Variants in SLC25A33 observed in about 807,000 individuals in gnomAD.
The protein encoded by SLC25A33 is solute carrier family 25 member 33, also known as bone marrow stromal cell mitochondrial carrier protein.
Under a neutral mutation model 35.5 loss-of-function variants are expected in SLC25A33, and 15 were observed. The observed-to-expected ratio is 0.42, with a 90% CI of 0.28 to 0.65. The LOEUF (loss-of-function observed/expected upper bound fraction) is 0.65. SLC25A33 is among the 30% of genes least tolerant of loss of function. The probability of loss-of-function intolerance (pLI) is 0.20; values close to 1 mark genes in which losing one functional copy is unlikely to be tolerated. For synonymous variants in SLC25A33, 136 were observed against 148.7 expected, an observed-to-expected ratio of 0.91 and a Z score of 0.62; for missense variants, 257 against 398.5, an observed-to-expected ratio of 0.64 and a Z score of 3.02.
chr1:9,549,156 A>G (rs1294668120), intron 1 of SLC25A33, among the ~76,000 whole-genome samples: 1 of 152,048 alleles, frequency 6.6e-6, no homozygotes, highest in Non-Finnish European at 1.5e-5. Flanking sequence ...CTTGGGAAGG[A>G]CACTCAGTGA....
In SLC25A33 at chr1:9,582,180, C is replaced by G. The variant is rs1032855196; in HGVS notation, c.764-119C>G. On this transcript the variant is annotated intron_variant, in intron 6 of 6. Coordinates refer to ENST00000302692, the MANE Select transcript of SLC25A33 (RefSeq NM_032315.3). This position sits in a 1 kb window ranked among gnomAD's most constrained non-coding sequence, Gnocchi z 4.0. ...CCACCCGCCTCGGCCTCCCAAAGTT[C>G]TGGGATTACAGGTGTGAGCCACCGC... is the stretch of plus-strand genomic sequence containing the variant. 7.6e-6 allele frequency: 8 copies of G among 1,054,086 alleles called. No individual in the cohort carries two copies. In the Admixed American group the frequency reaches 1.5e-4, roughly 20 times the overall value. The allele number at this position is 1,054,086 out of a possible 1,614,324, so 65.3% of individuals were successfully genotyped here. A position where few individuals can be genotyped will look rare whatever the true frequency, so the allele number is the denominator to read the frequency against.
chr1:9,539,723 C>G lies in SLC25A33; in HGVS notation c.32C>G (p.Thr11Arg). 1 of 1,410,568 alleles carries G rather than the reference C, an allele frequency of 7.1e-7. No individual in the cohort carries two copies. The highest frequency in any genetic ancestry group is 9.2e-7 in the Non-Finnish European group (1 of 1,081,412). The allele number at this position is 1,410,568 out of a possible 1,614,324, so 87.4% of individuals were successfully genotyped here. ...ACGGGCGGCCAGCAGAAGGAGAACA[C>G]GCTGCTTCACCTCTTCGCCGGCGGG... Reference protein sequence around the residue: MATGGQQKENTLLHLFAGGCG... With the variant: MATGGQQKENRLLHLFAGGCG... Residue 11 changes from threonine to arginine, a missense_variant, in exon 1 of 7, where the codon ACG becomes AGG. Coordinates refer to ENST00000302692, the MANE Select transcript of SLC25A33 (RefSeq NM_032315.3).
intron 5 of SLC25A33, among the ~76,000 whole-genome samples, chr1:9,574,795 C>A (rs960018737): frequency 6.6e-6 from 1 of 152,152 alleles, no homozygotes; most frequent in African/African-American, 2.4e-5. Flanking sequence ...GGATTAGATA[C>A]CCCACTATGC....
At chr1:9,569,977 G>A (rs111890940) in intron 3 of SLC25A33, among the ~76,000 whole-genome samples, 3 of 152,162 alleles carry the variant, frequency 2.0e-5, no homozygotes, top group African/African-American at 4.8e-5. Context: ...TATCCAGAAC[G>A]AAGAATGTAA....
rs1643703585 is a variant in SLC25A33 at position 9,579,228 on chromosome 1, G to A, written c.483-726G>A. 2.0e-5 allele frequency among the ~76,000 whole-genome samples: 3 copies of A among 152,122 alleles called. No individual in the cohort carries two copies. The South Asian group carries it at 6.2e-4, about 31-fold the overall frequency. On this transcript the variant is annotated intron_variant, in intron 5 of 6. Coordinates refer to ENST00000302692, the MANE Select transcript of SLC25A33 (RefSeq NM_032315.3). Reference sequence around the variant, plus strand: ...TTTTCCCCACACACACCAAACAGCGGACACCAGCTGGGTGTCCTCTCATTC... The same window carrying A: ...TTTTCCCCACACACACCAAACAGCGAACACCAGCTGGGTGTCCTCTCATTC...
At chr1:9,560,419 C>T (rs1643405542) in intron 2 of SLC25A33, among the ~76,000 whole-genome samples, 1 of 151,720 alleles carries the variant, frequency 6.6e-6, no homozygotes, top group Non-Finnish European at 1.5e-5. Context: ...AAAAAATTAG[C>T]CAGGTGTGGC....
In SLC25A33 at chr1:9,570,313, G is replaced by A. The variant is rs139242276; in HGVS notation, c.370G>A (p.Val124Met). Residue 124 changes from valine to methionine, a missense_variant, in exon 4 of 7, where the codon GTG becomes ATG. Coordinates refer to ENST00000302692, the MANE Select transcript of SLC25A33 (RefSeq NM_032315.3). The stretch of plus-strand genomic sequence containing the variant: ...CAAAGAGCAATTTAATGGCATTTTC[G>A]TGCCTAACAGCAATATTGTGCATAT... ...KAKEQFNGIF[V>M]PNSNIVHIFS... 46 of 1,613,976 alleles carry A rather than the reference G, an allele frequency of 2.9e-5. 1 individual carries two copies. The Middle Eastern group carries it at 5.0e-4, about 17-fold the overall frequency.
chr1:9,545,936 C>G (rs1407092723), intron 1 of SLC25A33, among the ~76,000 whole-genome samples: 1 of 151,364 alleles, frequency 6.6e-6, no homozygotes, highest in Non-Finnish European at 1.5e-5. Flanking sequence ...GCACTCCAGC[C>G]TGGGCAACAG....
rs375546406 is a variant in SLC25A33, at chr1:9,584,756, C to T, written c.*2255C>T. ...TTTGAGACAAGGTATCACTCGATCACTGAAGCTGGATACAGTGGCAAGATC... is the reference window on the plus strand; with the variant it reads ...TTTGAGACAAGGTATCACTCGATCATTGAAGCTGGATACAGTGGCAAGATC... On this transcript the variant is annotated 3_prime_UTR_variant, in exon 7 of 7. Coordinates refer to ENST00000302692, the MANE Select transcript of SLC25A33 (RefSeq NM_032315.3). The T allele has an allele frequency of 6.6e-6, 1 of 152,236 alleles. No individual in the cohort carries two copies. The highest frequency in any genetic ancestry group is 1.9e-4 in the East Asian group (1 of 5,204). 9.4% of individuals were successfully genotyped at this position (152,236 alleles called of 1,614,324 possible).
rs1459171296 is a variant in SLC25A33 at position 9,576,658 on chromosome 1, G to T, written c.482+3246G>T. On this transcript the variant is annotated intron_variant, in intron 5 of 6. Transcript: ENST00000302692. ...TAGTTATGTGCAGAACACGATCAAGGGTGTTACACTGGGCTTCTGTTACAA... is the reference window on the plus strand; with the variant it reads ...TAGTTATGTGCAGAACACGATCAAGTGTGTTACACTGGGCTTCTGTTACAA... The T allele has an allele frequency of 4.8e-6, 3 of 623,566 alleles. No homozygotes were observed. The African/African-American group carries it at 5.5e-5, about 11-fold the overall frequency. The allele number at this position is 623,566 out of a possible 1,614,324, so 38.6% of individuals were successfully genotyped here.
intron 5 of SLC25A33, among the ~76,000 whole-genome samples, chr1:9,577,575 G>T (rs1277926018): frequency 6.6e-6 from 1 of 152,130 alleles, no homozygotes; most frequent in Non-Finnish European, 1.5e-5. Flanking sequence ...GTGCATCTGC[G>T]CTGGAGAAGG....
intron 5 of SLC25A33, among the ~76,000 whole-genome samples, chr1:9,577,768 T>A (rs184555872): frequency 6.6e-6 from 1 of 152,162 alleles, no homozygotes; most frequent in East Asian, 1.9e-4. Flanking sequence ...TTTGGAGACA[T>A]TTGAAGTTGC....
intron 2 of SLC25A33, among the ~76,000 whole-genome samples, chr1:9,566,739 G>A (rs879855340): frequency 1.3e-5 from 2 of 152,136 alleles, no homozygotes; most frequent in Non-Finnish European, 2.9e-5. Context: ...CCAGTTACTC[G>A]GGAGGCTGAG....
chr1:9,567,818 G>T (rs1395594851), intron 3 of SLC25A33, among the ~76,000 whole-genome samples: 1 of 152,206 alleles, frequency 6.6e-6, no homozygotes, highest in Non-Finnish European at 1.5e-5. Context: ...TCTGTAAAAT[G>T]ACATCCTCAT....
At chr1:9,552,697 A>G (rs1183685032) in intron 1 of SLC25A33, among the ~76,000 whole-genome samples, 1 of 152,150 alleles carries the variant, frequency 6.6e-6, no homozygotes, top group Non-Finnish European at 1.5e-5. Flanking sequence ...TGAATGTCCA[A>G]CAGTAGGAAA....
At chr1:9,552,669 G>C (rs1051654157) in intron 1 of SLC25A33, among the ~76,000 whole-genome samples, 3 of 152,278 alleles carry the variant, frequency 2.0e-5, no homozygotes, top group African/African-American at 7.2e-5. Context: ...CAGCATGGTA[G>C]TGAAATTGGA....
At position 9,582,203 on chromosome 1, in the gene SLC25A33, C is replaced by G. The variant is rs773961378; in HGVS notation, c.764-96C>G. ...TTCTGGGATTACAGGTGTGAGCCACCGCACCCGGCCTAACCTTGACAGTTT... is the reference window on the plus strand; with the variant it reads ...TTCTGGGATTACAGGTGTGAGCCACGGCACCCGGCCTAACCTTGACAGTTT... On this transcript the variant is annotated intron_variant, in intron 6 of 6. Coordinates refer to ENST00000302692, the MANE Select transcript of SLC25A33 (RefSeq NM_032315.3). The surrounding 1 kb of genome is among the most constrained non-coding windows in gnomAD (Gnocchi z 4.0). 17 of 1,370,168 alleles carry G rather than the reference C, an allele frequency of 1.2e-5. No individual in the cohort carries two copies. Among genetic ancestry groups the G allele is most frequent in the Non-Finnish European group, 1.7e-5 (17 of 972,922 alleles). The allele number at this position is 1,370,168 out of a possible 1,614,324, so 84.9% of individuals were successfully genotyped here.
rs764294274 is a variant in SLC25A33 at position 9,553,854 on chromosome 1, A to G, written c.236+49A>G. The G allele has an allele frequency of 2.1e-5, 33 of 1,549,710 alleles. No individual in the cohort carries two copies. In the South Asian group the frequency reaches 3.7e-4, roughly 17 times the overall value. On this transcript the variant is annotated intron_variant, in intron 2 of 6. Transcript: ENST00000302692. ...TGCCACCTGCACACCCTGTACCGCCACTGTCAACAGAGAATGTTCATCAAG... is the reference window on the plus strand; with the variant it reads ...TGCCACCTGCACACCCTGTACCGCCGCTGTCAACAGAGAATGTTCATCAAG...
intron 1 of SLC25A33, among the ~76,000 whole-genome samples, chr1:9,546,174 ATTTTTTTTTTTTTTTTTT>A (rs746460317): frequency 3.0e-5 from 3 of 100,520 alleles, no homozygotes; most frequent in Non-Finnish European, 1.9e-5. Context: ...ACACAGAGAA[ATTTTTTTTTTTTTTTTTT>A]TTTTTTTTTT....
Sources: gnomAD v4.1 joint callset for allele counts (sites outside exome capture counted in the v4.1 genomes callset) on GRCh38, gnomAD v4.1.1 for gene constraint, Gnocchi (gnomAD v3.1) non-coding constraint, MANE v1.5 for transcripts, NCBI Gene and HGNC (gene_info 2026-07-23, HGNC 2026-07-21) for gene names.